The following NCOA7 variants were observed in gnomAD, a reference collection of about 807,000 sequenced individuals.
The protein encoded by NCOA7 is 140 kDa estrogen receptor-associated protein.
A neutral mutation model predicts 104.3 loss-of-function variants in NCOA7; 45 were observed. The ratio of observed to expected loss-of-function variants is 0.43; its 90% confidence interval spans 0.34 to 0.55. NCOA7 has a LOEUF of 0.55. Ranked by LOEUF, NCOA7 falls within the 20% of genes least tolerant of loss-of-function variation. The pLI is 0.02. For synonymous variants in NCOA7, 398 were observed against 402.3 expected (o/e 0.99, Z 0.13); for missense variants, 1,041 against 1,119.7 (o/e 0.93, Z 1.00).
chr6:125,873,629 C>T (rs1238971572), intron 3 of NCOA7, among the ~76,000 whole-genome samples: 1 of 152,142 alleles, frequency 6.6e-6, no homozygotes, highest in Non-Finnish European at 1.5e-5. Context: ...TTATGATGTA[C>T]ATAAAGTATA....
Position 125,928,927 on chromosome 6 carries a change from AT to A in NCOA7, c.*158del. On this transcript the variant is annotated 3_prime_UTR_variant, in exon 16 of 16. Transcript: ENST00000392477. ...CAGAGCATGATCACATTGCAGAAAG[AT>A]TCTGGAAGGTCCATGTAGAGGGCAG... 2.5e-6 allele frequency: 2 copies of A among 802,322 alleles called. No individual in the cohort carries two copies. Among genetic ancestry groups the A allele is most frequent in the Non-Finnish European group, 3.8e-6 (2 of 533,024 alleles). 49.7% of individuals were successfully genotyped at this position (802,322 alleles called of 1,614,324 possible). A position where few individuals can be genotyped will look rare whatever the true frequency, so the allele number is the denominator to read the frequency against.
At chr6:125,838,802 A>G (rs1478759691) in intron 2 of NCOA7, among the ~76,000 whole-genome samples, 1 of 152,142 alleles carries the variant, frequency 6.6e-6, no homozygotes, top group Non-Finnish European at 1.5e-5. Flanking sequence ...TTGAGAGTTC[A>G]CTAGAACTGC....
At chr6:125,815,220 T>C in intron 1 of NCOA7, 71 bp from the exon 2 acceptor site, 4 of 569,634 alleles carry the variant, frequency 7.0e-6, no homozygotes, top group Non-Finnish European at 1.2e-5. Flanking sequence ...GTAGTTCTAC[T>C]CCATTTTATT....
chr6:125,903,422 C>T (rs1468620876), intron 10 of NCOA7, among the ~76,000 whole-genome samples: 2 of 152,130 alleles, frequency 1.3e-5, no homozygotes, highest in Non-Finnish European at 2.9e-5. Flanking sequence ...CTACTTGGCT[C>T]CACAGCAGTC....
intron 2 of NCOA7, among the ~76,000 whole-genome samples, chr6:125,845,321 T>C (rs991434260): frequency 1.9e-4 from 29 of 152,196 alleles, no homozygotes; most frequent in African/African-American, 6.8e-4. Flanking sequence ...CTAAGCTAGC[T>C]GGACTCAGGA....
At chr6:125,886,836 G>T (rs1045375896) in intron 8 of NCOA7, among the ~76,000 whole-genome samples, 3 of 152,232 alleles carry the variant, frequency 2.0e-5, no homozygotes, top group South Asian at 2.1e-4. Context: ...TTAAAAGTGG[G>T]TATGTGTAAA....
chr6:125,846,360 AATTT>A (rs774476933), intron 2 of NCOA7, among the ~76,000 whole-genome samples: 9 of 67,500 alleles, frequency 1.3e-4, no homozygotes, highest in East Asian at 4.1e-4. Flanking sequence ...AAGAAAAAAA[AATTT>A]TTTTTTTTTT....
chr6:125,886,710 C>G (rs1398333883), intron 8 of NCOA7, among the ~76,000 whole-genome samples: 1 of 152,124 alleles, frequency 6.6e-6, no homozygotes, highest in Non-Finnish European at 1.5e-5. Context: ...TTTGTATTGT[C>G]TTCAGAACTT....
chr6:125,910,100 G>A (rs1038534932), intron 10 of NCOA7, among the ~76,000 whole-genome samples: 6 of 152,176 alleles, frequency 3.9e-5, no homozygotes, highest in Non-Finnish European at 8.8e-5. Context: ...TTACAAAGTT[G>A]TCTTGTTTTT....
rs185874375 is a variant in NCOA7, at chr6:125,930,415, G to A, written c.*1644G>A. 2.1e-3 allele frequency: 316 copies of A among 152,560 alleles called. No homozygotes were observed. Among genetic ancestry groups the A allele is most frequent in the African/African-American group, 5.9e-3 (243 of 41,492 alleles). 9.5% of individuals were successfully genotyped at this position (152,560 alleles called of 1,614,324 possible). ...ACTTAACCAATATTATTGATTACCA[G>A]ACTTTTATGAAAGCCAAAGACTGCT... On this transcript the variant is annotated 3_prime_UTR_variant, in exon 16 of 16. Coordinates refer to ENST00000392477, the MANE Select transcript of NCOA7 (RefSeq NM_181782.5).
chr6:125,808,577 T>G (rs1776675630), intron 1 of NCOA7, among the ~76,000 whole-genome samples: 2 of 152,320 alleles, frequency 1.3e-5, no homozygotes, highest in South Asian at 4.1e-4. Flanking sequence ...CACAGCTCCC[T>G]CCCTCTGTTT....
rs1007955773 is a variant in NCOA7, at chr6:125,866,159, G to A, written c.272-8730G>A. Among the ~76,000 whole-genome samples, 15 of 137,958 alleles carry A rather than the reference G, an allele frequency of 1.1e-4. 3 individuals carry two copies. Among genetic ancestry groups the A allele is most frequent in the South Asian group, 4.4e-4 (2 of 4,590 alleles). The allele number at this position is 137,958 out of a possible 152,430, so 90.5% of individuals were successfully genotyped here. On this transcript the variant is annotated intron_variant, in intron 3 of 15. Coordinates refer to ENST00000392477, the MANE Select transcript of NCOA7 (RefSeq NM_181782.5). ...AGCGTGACCAACATGGAGAAACCCC[G>A]TCTCTACTAAGAATACAAAATTAGC...
intron 2 of NCOA7, among the ~76,000 whole-genome samples, chr6:125,834,153 T>G (rs1779416419): frequency 1.3e-5 from 2 of 151,600 alleles, no homozygotes; most frequent in Non-Finnish European, 3.0e-5. Context: ...TTATTTTTGT[T>G]TTTGTTTTAA....
At chr6:125,807,202 A>G (rs115857585) in intron 1 of NCOA7, among the ~76,000 whole-genome samples, 11 of 152,342 alleles carry the variant, frequency 7.2e-5, no homozygotes, top group African/African-American at 2.4e-4. Flanking sequence ...AAGATCCTTC[A>G]GATGTTTAAA....
At chr6:125,908,171 C>T (rs1344553605) in intron 10 of NCOA7, among the ~76,000 whole-genome samples, 2 of 152,212 alleles carry the variant, frequency 1.3e-5, no homozygotes, top group South Asian at 2.1e-4. Context: ...ACCCCAGATT[C>T]CTGTCCTAGG....
At chr6:125,903,781 C>A (rs949155398) in intron 10 of NCOA7, among the ~76,000 whole-genome samples, 19 of 151,362 alleles carry the variant, frequency 1.3e-4, no homozygotes, top group African/African-American at 4.6e-4. Context: ...TCTCAGCTCA[C>A]TGCAACCTCC....
intron 3 of NCOA7, among the ~76,000 whole-genome samples, chr6:125,872,426 G>A (rs1783008983): frequency 6.6e-6 from 1 of 152,180 alleles, no homozygotes; most frequent in African/African-American, 2.4e-5. Context: ...GAAATAGGAA[G>A]CTACCTACAA....
chr6:125,815,136 G>A, intron 1 of NCOA7, 155 bp from the exon 2 acceptor site: 1 of 364,448 alleles, frequency 2.7e-6, no homozygotes, highest in Non-Finnish European at 4.9e-6. Context: ...TTCTCCCATG[G>A]ACATTTGCAT....
chr6:125,924,636 A>G (rs1787867022), intron 13 of NCOA7, among the ~76,000 whole-genome samples: 2 of 152,238 alleles, frequency 1.3e-5, no homozygotes, highest in African/African-American at 4.8e-5. Flanking sequence ...AACAAAAACA[A>G]CAATCACTTA....
Sources: allele counts gnomAD v4.1 joint callset (sites outside exome capture counted in the v4.1 genomes callset), GRCh38; gene constraint gnomAD v4.1.1; transcripts MANE v1.5; gene names NCBI Gene and HGNC (gene_info 2026-07-23, HGNC 2026-07-21).